Variants in IGF1R observed in about 807,000 individuals in gnomAD.
IGF1R encodes insulin like growth factor 1 receptor.
Under a neutral mutation model 144.6 loss-of-function variants are expected in IGF1R, and 44 were observed. That is an observed-to-expected ratio of 0.30 (90% confidence interval 0.24 to 0.39). The LOEUF (loss-of-function observed/expected upper bound fraction) is 0.39. IGF1R is among the 10% of genes least tolerant of loss of function. The pLI, the probability that IGF1R is intolerant of heterozygous loss-of-function variation, is 1.00. For missense variants in IGF1R, 1,355 were observed against 1,833.7 expected, an observed-to-expected ratio of 0.74 and a Z score of 4.77; for synonymous variants, 795 against 722.8, an observed-to-expected ratio of 1.10 and a Z score of -1.60.
At chr15:98,780,848 A>G (rs1367890201) in intron 2 of IGF1R, among the ~76,000 whole-genome samples, 1 of 152,216 alleles carries the variant, frequency 6.6e-6, no homozygotes, top group East Asian at 1.9e-4. Context: ...TAATTCTAAT[A>G]GGAAACTTGT....
chr15:98,960,653 C>T lies in IGF1R; in HGVS notation c.*3211C>T, dbSNP rs9282716. On this transcript the variant is annotated 3_prime_UTR_variant, in exon 21 of 21. Coordinates refer to ENST00000650285, the MANE Select transcript of IGF1R (RefSeq NM_000875.5). ...CAGGACCGTGCGGCCATGGCTGCTG[C>T]ATTCATTGAGCACAAAGGTGCAGCT... is the stretch of plus-strand genomic sequence containing the variant. The T allele has an allele frequency of 1.7e-5, 4 of 233,380 alleles. No individual in the cohort carries two copies. The highest frequency in any genetic ancestry group is 6.6e-5 in the African/African-American group (3 of 45,456). 14.5% of individuals were successfully genotyped at this position (233,380 alleles called of 1,614,324 possible). A position where few individuals can be genotyped will look rare whatever the true frequency, so the allele number is the denominator to read the frequency against.
In IGF1R at chr15:98,958,617, A is replaced by G. The variant is rs1036458290; in HGVS notation, c.*1175A>G. 2 of 232,730 alleles carry G rather than the reference A, an allele frequency of 8.6e-6. No individual in the cohort carries two copies. Among genetic ancestry groups the G allele is most frequent in the African/African-American group, 2.2e-5 (1 of 45,318 alleles). The allele number at this position is 232,730 out of a possible 1,614,324, so 14.4% of individuals were successfully genotyped here. A position where few individuals can be genotyped will look rare whatever the true frequency, so the allele number is the denominator to read the frequency against. On this transcript the variant is annotated 3_prime_UTR_variant, in exon 21 of 21. Coordinates refer to ENST00000650285, the MANE Select transcript of IGF1R (RefSeq NM_000875.5). ...GGGTCTTACAGTTCTATGTTAGACC[A>G]TGAAACATTTGCATACACATCGTCT...
chr15:98,775,282 C>T (rs2055684165), intron 2 of IGF1R, among the ~76,000 whole-genome samples: 1 of 152,170 alleles, frequency 6.6e-6, no homozygotes, highest in Admixed American at 6.5e-5. Context: ...TCTGTTTTAA[C>T]AGTCACAAGA....
rs138888653 is a variant in IGF1R at position 98,957,208 on chromosome 15, G to A, written c.3870G>A (p.Pro1290=). The A allele has an allele frequency of 4.0e-5, 64 of 1,614,088 alleles. No homozygotes were observed. The highest frequency in any genetic ancestry group is 1.6e-4 in the Middle Eastern group (1 of 6,084). Residue 1290 remains proline, a synonymous_variant, in exon 21 of 21, where the codon CCG becomes CCA. Coordinates refer to ENST00000650285, the MANE Select transcript of IGF1R (RefSeq NM_000875.5). ...GCGAGGAGAACAAGCTGCCCGAGCCGGAGGAGCTGGACCTGGAGCCAGAGA... is the reference window on the plus strand; with the variant it reads ...GCGAGGAGAACAAGCTGCCCGAGCCAGAGGAGCTGGACCTGGAGCCAGAGA... ...YYSEENKLPE[P]EELDLEPENM... is the part of the protein sequence containing the mutation.
rs1261718401 is a variant in IGF1R at position 98,932,106 on chromosome 15, G to T, written c.2956+1801G>T. Among the ~76,000 whole-genome samples the T allele has an allele frequency of 5.9e-5, 9 of 152,192 alleles. No homozygotes were observed. In the East Asian group the frequency reaches 1.7e-3, roughly 29 times the overall value. On this transcript the variant is annotated intron_variant, in intron 15 of 20. Coordinates refer to ENST00000650285, the MANE Select transcript of IGF1R (RefSeq NM_000875.5). ...AGAAAGCATCAATACAACAAATTCA[G>T]ATTCTCAGGGCTCTCATGGTGACTT...
rs2151701723 is a variant in IGF1R, at chr15:98,929,659, A to G, written c.2884A>G (p.Arg962Gly). 1 of 1,606,440 alleles carries G rather than the reference A, an allele frequency of 6.2e-7. No homozygotes were observed. The highest frequency in any genetic ancestry group is 8.5e-7 in the Non-Finnish European group (1 of 1,172,992). The change falls in exon 14 of 21, where the codon AGA (arginine) becomes GGA (glycine). Residue 962 changes from arginine to glycine, a missense_variant and splice_region_variant. Physicochemically the swap from Arg to Gly is moderately radical, Grantham distance 125. Transcript: ENST00000650285. Reference protein sequence around the residue: ...VIMLYVFHRKRNNSRLGNGVL... With the variant: ...VIMLYVFHRKGNNSRLGNGVL... ...TATGCTGTACGTCTTCCATAGAAAG[A>G]GGTCAGTGATGTGCAAAGTTATGAC...
chr15:98,918,712 T>C (rs1040610976), intron 10 of IGF1R, among the ~76,000 whole-genome samples: 1 of 152,126 alleles, frequency 6.6e-6, no homozygotes, highest in East Asian at 1.9e-4. Context: ...ACCCTGTCTC[T>C]ACTAAAGATA....
rs543183035 is a variant in IGF1R, at chr15:98,726,489, G to T, written c.640+18382G>T. On this transcript the variant is annotated intron_variant, in intron 2 of 20. Coordinates refer to ENST00000650285, the MANE Select transcript of IGF1R (RefSeq NM_000875.5). ...CCTAGTTCTTAGTAAACATGATGTG[G>T]GTTCTATTAGCATGGCGCCCTCCCT... 1.1e-4 allele frequency among the ~76,000 whole-genome samples: 17 copies of T among 152,164 alleles called. No individual in the cohort carries two copies. In the South Asian group the frequency reaches 1.2e-3, roughly 11 times the overall value.
At chr15:98,896,570 A>G (rs2014208480) in intron 3 of IGF1R, among the ~76,000 whole-genome samples, 187 bp from the exon 4 acceptor site, 1 of 152,204 alleles carries the variant, frequency 6.6e-6, no homozygotes, top group South Asian at 2.1e-4. Flanking sequence ...TTTGCTTGCA[A>G]TGTGAGTGGC....
chr15:98,890,824 A>G (rs894692121), intron 2 of IGF1R: 1 of 198,810 alleles, frequency 5.0e-6, no homozygotes, highest in Non-Finnish European at 1.0e-5. Context: ...CATCTTTACT[A>G]TAGTGTAGTT....
intron 13 of IGF1R, among the ~76,000 whole-genome samples, chr15:98,925,361 G>A (rs1400321986): frequency 6.6e-6 from 1 of 152,218 alleles, no homozygotes; most frequent in East Asian, 1.9e-4. Context: ...AGCGCAACAA[G>A]GGCCACATAC....
chr15:98,956,410 C>T (rs1028869814), intron 20 of IGF1R, among the ~76,000 whole-genome samples: 7 of 152,230 alleles, frequency 4.6e-5, no homozygotes, highest in Admixed American at 1.3e-4. Context: ...CAGCCTGGCT[C>T]ATCGGCTGGG....
chr15:98,666,585 ATGTC>A (rs1260006972), intron 1 of IGF1R, among the ~76,000 whole-genome samples: 1 of 152,228 alleles, frequency 6.6e-6, no homozygotes, highest in Non-Finnish European at 1.5e-5. Context: ...ATGTGCTACA[ATGTC>A]TGTGAACCTT....
At chr15:98,798,675 A>T (rs2056299320) in intron 2 of IGF1R, among the ~76,000 whole-genome samples, 1 of 151,988 alleles carries the variant, frequency 6.6e-6, no homozygotes, top group Admixed American at 6.6e-5. Context: ...ATGTCCAGTG[A>T]GGAGGATGAG....
intron 9 of IGF1R, 121 bp from the exon 10 acceptor site, chr15:98,916,551 C>T (rs2015258949): frequency 4.3e-6 from 4 of 920,998 alleles, no homozygotes; most frequent in Non-Finnish European, 7.0e-6. Context: ...CTTGAGCCAC[C>T]ACATCTGGCC....
intron 1 of IGF1R, among the ~76,000 whole-genome samples, chr15:98,655,510 T>C (rs1411345988): frequency 6.6e-6 from 1 of 152,160 alleles, no homozygotes; most frequent in African/African-American, 2.4e-5. Context: ...CCCTCTTTTC[T>C]TCCACAGTAA....
intron 10 of IGF1R, among the ~76,000 whole-genome samples, chr15:98,921,922 C>CG (rs1282326975): frequency 2.0e-5 from 3 of 151,524 alleles, no homozygotes; most frequent in South Asian, 4.2e-4. Context: ...CTCTGAGAGC[C>CG]GGGGGGTGGG....
intron 2 of IGF1R, among the ~76,000 whole-genome samples, chr15:98,885,784 G>A (rs529539158): frequency 6.1e-5 from 9 of 148,562 alleles, no homozygotes; most frequent in African/African-American, 2.2e-4. Context: ...CCTCTTTCAT[G>A]TTTTGTTCCT....
rs375188453 is a variant in IGF1R at position 98,707,626 on chromosome 15, G to A, written c.159G>A (p.Thr53=). The A allele has an allele frequency of 1.3e-5, 21 of 1,614,034 alleles. No individual in the cohort carries two copies. The African/African-American group carries it at 1.6e-4, about 12-fold the overall frequency. Residue 53 remains threonine, a synonymous_variant, in exon 2 of 21, where the codon ACG becomes ACA. Transcript: ENST00000650285. The surrounding 1 kb of genome is among the most constrained non-coding windows in gnomAD (Gnocchi z 6.7). ...YQQLKRLENC[T]VIEGYLHILL... Reference sequence around the variant, plus strand: ...AGCTGAAGCGCCTGGAGAACTGCACGGTGATCGAGGGCTACCTCCACATCC... The same window carrying A: ...AGCTGAAGCGCCTGGAGAACTGCACAGTGATCGAGGGCTACCTCCACATCC...
Sources: gnomAD v4.1 joint callset for allele counts (sites outside exome capture counted in the v4.1 genomes callset) on GRCh38, gnomAD v4.1.1 for gene constraint, Gnocchi (gnomAD v3.1) non-coding constraint, MANE v1.5 for transcripts, NCBI Gene and HGNC (gene_info 2026-07-23, HGNC 2026-07-21) for gene names.